PHACTR2: variants seen among roughly 807,000 people sequenced by gnomAD.
The protein encoded by PHACTR2 is phosphatase and actin regulator 2.
In PHACTR2, 30 loss-of-function variants were observed where a neutral mutation model predicts 76.0. That is an observed-to-expected ratio of 0.39 (90% CI 0.30 to 0.54). PHACTR2 has a LOEUF of 0.54. Ranked by LOEUF, PHACTR2 falls within the 20% of genes least tolerant of loss-of-function variation. The probability of loss-of-function intolerance (pLI) is 0.61; values close to 1 mark genes in which losing one functional copy is unlikely to be tolerated. For synonymous variants in PHACTR2, 292 were observed against 292.5 expected, an observed-to-expected ratio of 1.00 and a Z score of 0.02; for missense variants, 696 against 781.1, an observed-to-expected ratio of 0.89 and a Z score of 1.30.
At position 143,592,024 on chromosome 6, in the gene PHACTR2, A is replaced by G. The variant is rs1364529235; in HGVS notation, c.217+54817A>G. The stretch of plus-strand genomic sequence containing the variant: ...TGTTGACAGAAGTGCATTTGTGGAT[A>G]TGAGAGGTGCATGCAGACTCTGACA... On this transcript the variant is annotated intron_variant, in intron 1 of 11. Transcript: ENST00000367584. The surrounding 1 kb of genome is among the most constrained non-coding windows in gnomAD (Gnocchi z 4.0). 6.6e-6 allele frequency among the ~76,000 whole-genome samples: 1 copy of G among 152,130 alleles called. No homozygotes were observed. Among genetic ancestry groups the G allele is most frequent in the Admixed American group, 6.5e-5 (1 of 15,276 alleles).
intron 1 of PHACTR2, among the ~76,000 whole-genome samples, chr6:143,707,409 T>A (rs927439252): frequency 6.6e-6 from 1 of 152,218 alleles, no homozygotes; most frequent in African/African-American, 2.4e-5. Flanking sequence ...TGCCACCTAC[T>A]TTTTTCCCGC....
intron 1 of PHACTR2, among the ~76,000 whole-genome samples, chr6:143,612,538 A>G (rs1775994552): frequency 1.3e-5 from 2 of 152,318 alleles, no homozygotes; most frequent in South Asian, 4.1e-4. Context: ...CTCCACTTTC[A>G]TGATCTCTTG....
intron 1 of PHACTR2, among the ~76,000 whole-genome samples, chr6:143,655,065 G>A (rs1159381872): frequency 6.6e-6 from 1 of 150,790 alleles, no homozygotes; most frequent in Non-Finnish European, 1.5e-5. Context: ...GATGAGGTAG[G>A]AGAATTGCTT....
In PHACTR2 at chr6:143,616,225, T is replaced by C. The variant is rs1776057727; in HGVS notation, c.13+7903T>C. Among the ~76,000 whole-genome samples, 1 of 152,252 alleles carries C rather than the reference T, an allele frequency of 6.6e-6. No homozygotes were observed. The highest frequency in any genetic ancestry group is 1.5e-5 in the Non-Finnish European group (1 of 68,038). ...AATTTTTTCCAAATATTTAATCTTC[T>C]AATTAGGAATAGTGATTGAAATTGT... On this transcript the variant is annotated intron_variant, in intron 1 of 11. Coordinates refer to the PHACTR2 transcript ENST00000305766. This position sits in a 1 kb window ranked among gnomAD's most constrained non-coding sequence, Gnocchi z 4.9.
intron 1 of PHACTR2, among the ~76,000 whole-genome samples, chr6:143,538,093 TAC>T (rs34308001): frequency 0.019 from 2,897 of 150,354 alleles, 110 homozygotes; most frequent in African/African-American, 0.066. Context: ...GACTCCGTCT[TAC>T]ACACACACAC....
chr6:143,765,827 A>G lies in PHACTR2; in HGVS notation c.1232+29A>G. The stretch of plus-strand genomic sequence containing the variant: ...AGTTGGGGAACAAACCCCCTATTTT[A>G]TCTGAGAACTAAAGATCACTAATAT... On this transcript the variant is annotated intron_variant, in intron 6 of 12. Coordinates refer to ENST00000440869, the MANE Select transcript of PHACTR2 (RefSeq NM_001100164.2). This position sits in a 1 kb window ranked among gnomAD's most constrained non-coding sequence, Gnocchi z 4.1. 6.4e-7 allele frequency: 1 copy of G among 1,556,904 alleles called. No homozygotes were observed. Among genetic ancestry groups the G allele is most frequent in the Non-Finnish European group, 8.8e-7 (1 of 1,138,108 alleles).
rs1776115625 is a variant in PHACTR2 at position 143,619,526 on chromosome 6, GT to G, written c.13+11206del. Among the ~76,000 whole-genome samples the G allele has an allele frequency of 6.6e-6, 1 of 152,224 alleles. No homozygotes were observed. Among genetic ancestry groups the G allele is most frequent in the Non-Finnish European group, 1.5e-5 (1 of 68,038 alleles). On this transcript the variant is annotated intron_variant, in intron 1 of 11. Coordinates refer to the PHACTR2 transcript ENST00000305766. This position sits in a 1 kb window ranked among gnomAD's most constrained non-coding sequence, Gnocchi z 4.5. ...AATACCCTACTGAAGGGTACACAGT[GT>G]TGACCTGTACACAAAGAAGCATCTT...
At chr6:143,600,575 C>T (rs546813966) in intron 1 of PHACTR2, among the ~76,000 whole-genome samples, 8 of 152,216 alleles carry the variant, frequency 5.3e-5, no homozygotes, top group East Asian at 1.9e-4. Flanking sequence ...CTTTGATTTA[C>T]AGATTTATAA....
intron 1 of PHACTR2, among the ~76,000 whole-genome samples, chr6:143,567,486 C>T (rs1775379639): frequency 6.6e-6 from 1 of 152,212 alleles, no homozygotes. Context: ...GCAACCTCCA[C>T]CTCCTGGATT....
Position 143,708,559 on chromosome 6 carries a change from A to C in PHACTR2, c.47-3457A>C, listed in dbSNP as rs1236413516. On this transcript the variant is annotated intron_variant, in intron 1 of 12. Coordinates refer to ENST00000440869, the MANE Select transcript of PHACTR2 (RefSeq NM_001100164.2). The surrounding 1 kb of genome is among the most constrained non-coding windows in gnomAD (Gnocchi z 5.5). ...AAATTCACCAGACTTACTGTGAAATAATTTATGGAAAGTTTCAAATGGATT... is the reference window on the plus strand; with the variant it reads ...AAATTCACCAGACTTACTGTGAAATCATTTATGGAAAGTTTCAAATGGATT... Among the ~76,000 whole-genome samples the C allele has an allele frequency of 1.3e-5, 2 of 152,238 alleles. No individual in the cohort carries two copies. The highest frequency in any genetic ancestry group is 2.9e-5 in the Non-Finnish European group (2 of 68,044).
rs1352438285 is a variant in PHACTR2 at position 143,775,096 on chromosome 6, A to G, written c.1589+881A>G. ...ATTGCTGTCCTTGCTTGGAAGTGGT[A>G]TAACTGGAGGCAGGATTGGCATGGA... On this transcript the variant is annotated intron_variant, in intron 8 of 12. Transcript: ENST00000440869. This position sits in a 1 kb window ranked among gnomAD's most constrained non-coding sequence, Gnocchi z 4.4. Among the ~76,000 whole-genome samples, 1 of 152,128 alleles carries G rather than the reference A, an allele frequency of 6.6e-6. No individual in the cohort carries two copies. The highest frequency in any genetic ancestry group is 1.5e-5 in the Non-Finnish European group (1 of 68,034).
At chr6:143,675,968 A>G (rs1028633207), upstream of PHACTR2, among the ~76,000 whole-genome samples, 1 of 152,228 alleles carries the variant, frequency 6.6e-6, no homozygotes, top group African/African-American at 2.4e-5. The surrounding 1 kb of genome is among the most constrained non-coding windows in gnomAD (Gnocchi z 4.9). Context: ...GACGTTTTCT[A>G]TGTTCATTAG....
chr6:143,669,654 G>A (rs1777111364), intron 1 of PHACTR2, among the ~76,000 whole-genome samples: 1 of 151,110 alleles, frequency 6.6e-6, no homozygotes, highest in Admixed American at 6.6e-5. Flanking sequence ...TTTGATCTTT[G>A]TTGGTTTAAA....
At chr6:143,682,203 A>G (rs1777406748) in intron 1 of PHACTR2, among the ~76,000 whole-genome samples, 1 of 152,220 alleles carries the variant, frequency 6.6e-6, no homozygotes, top group African/African-American at 2.4e-5. Context: ...CCATGAACAT[A>G]GATGCCTTTC....
At chr6:143,563,558 A>AAAAAACAC (rs1314966234) in intron 1 of PHACTR2, among the ~76,000 whole-genome samples, 1 of 63,154 alleles carries the variant, frequency 1.6e-5, no homozygotes, top group Non-Finnish European at 3.9e-5. Context: ...TCTCAAAAAA[A>AAAAAACAC]AAAAAAAAAA....
chr6:143,574,785 T>C (rs1270265044), intron 1 of PHACTR2, among the ~76,000 whole-genome samples: 1 of 152,112 alleles, frequency 6.6e-6, no homozygotes, highest in African/African-American at 2.4e-5. Context: ...CTGTCTCCTA[T>C]AAATATTTCA....
rs182913426 is a variant in PHACTR2 at position 143,646,881 on chromosome 6, A to C, written c.13+38559A>C. On this transcript the variant is annotated intron_variant, in intron 1 of 11. Transcript: ENST00000305766. The surrounding 1 kb of genome is among the most constrained non-coding windows in gnomAD (Gnocchi z 4.1). ...TAGCAGAGAACGTTTTCTCATCCTT[A>C]GTTATGTTTGTTGTTCTAACATAAC... Among the ~76,000 whole-genome samples the C allele has an allele frequency of 1.6e-4, 24 of 152,366 alleles. No individual in the cohort carries two copies. The highest frequency in any genetic ancestry group is 5.5e-4 in the African/African-American group (23 of 41,598).
chr6:143,805,528 G>C (rs1192163682), intron 11 of PHACTR2, among the ~76,000 whole-genome samples: 3 of 148,888 alleles, frequency 2.0e-5, no homozygotes, highest in Non-Finnish European at 4.4e-5. Context: ...ACGTTTTATA[G>C]ATGTTAATTG....
intron 1 of PHACTR2, among the ~76,000 whole-genome samples, chr6:143,629,198 A>G (rs1187170743): frequency 6.6e-6 from 1 of 152,034 alleles, no homozygotes; most frequent in East Asian, 1.9e-4. Flanking sequence ...TATGAAAATC[A>G]TATTGGTCAT....
Sources: allele counts gnomAD v4.1 joint callset (sites outside exome capture counted in the v4.1 genomes callset), GRCh38; gene constraint gnomAD v4.1.1; non-coding constraint Gnocchi (gnomAD v3.1); transcripts MANE v1.5; gene names NCBI Gene and HGNC (gene_info 2026-07-23, HGNC 2026-07-21).